Variants in CRADD observed in about 807,000 individuals in gnomAD.
CRADD encodes death domain-containing protein CRADD.
A neutral mutation model predicts 15.5 loss-of-function variants in CRADD; 9 were observed. The ratio of observed to expected loss-of-function variants is 0.58; its 90% CI spans 0.35 to 1.01. The LOEUF (loss-of-function observed/expected upper bound fraction) is 1.01. CRADD is among the 50% of genes least tolerant of loss of function. The probability of loss-of-function intolerance (pLI) is 0.02; values close to 1 mark genes in which losing one functional copy is unlikely to be tolerated. For synonymous variants in CRADD, 118 were observed against 107.6 expected, an observed-to-expected ratio of 1.10 and a Z score of -0.60; for missense variants, 227 against 250.3, an observed-to-expected ratio of 0.91 and a Z score of 0.63.
chr12:93,810,761 G>C (rs1347006036), intron 2 of CRADD, among the ~76,000 whole-genome samples: 1 of 152,040 alleles, frequency 6.6e-6, no homozygotes, highest in Admixed American at 6.6e-5. Context: ...CCAACAGTAG[G>C]TTCAACCTGG....
chr12:93,828,583 T>C (rs1281307708), intron 2 of CRADD, among the ~76,000 whole-genome samples: 1 of 152,250 alleles, frequency 6.6e-6, no homozygotes, highest in Non-Finnish European at 1.5e-5. Flanking sequence ...TAGCATCACT[T>C]GTTGAAGAAA....
chr12:93,772,226 C>T (rs1276565271), intron 2 of CRADD, among the ~76,000 whole-genome samples: 1 of 152,176 alleles, frequency 6.6e-6, no homozygotes, highest in Non-Finnish European at 1.5e-5. Context: ...TTCTGTCTCC[C>T]ATATTGACAG....
chr12:93,707,631 TCTC>T (rs1284624548), intron 2 of CRADD, among the ~76,000 whole-genome samples: 7 of 152,226 alleles, frequency 4.6e-5, no homozygotes, highest in Admixed American at 4.6e-4. Context: ...GAACACCAGT[TCTC>T]CTGCTTATTG....
chr12:93,763,103 G>A (rs1592969288), intron 2 of CRADD, among the ~76,000 whole-genome samples: 1 of 152,228 alleles, frequency 6.6e-6, no homozygotes, highest in Non-Finnish European at 1.5e-5. Flanking sequence ...TCTGTAAGGT[G>A]AGCCTTTCCC....
intron 2 of CRADD, among the ~76,000 whole-genome samples, chr12:93,811,050 G>GC (rs34751959): frequency 6.6e-6 from 1 of 151,940 alleles, no homozygotes; most frequent in South Asian, 2.1e-4. Flanking sequence ...TTTTCCCTTA[G>GC]CCCCCCCTCC....
At chr12:93,797,670 A>G (rs1957434204) in intron 2 of CRADD, among the ~76,000 whole-genome samples, 1 of 151,998 alleles carries the variant, frequency 6.6e-6, no homozygotes, top group Non-Finnish European at 1.5e-5. Context: ...AGGTAACTCA[A>G]CTGCTGGTAC....
intron 2 of CRADD, chr12:93,738,261 C>A (rs370337647): frequency 1.5e-6 from 1 of 653,630 alleles, no homozygotes; most frequent in Non-Finnish European, 2.8e-6. Context: ...AAGAGAAGGG[C>A]CAAAAGTGTC....
chr12:93,746,722 T>C (rs957026696), intron 2 of CRADD, among the ~76,000 whole-genome samples: 1 of 152,188 alleles, frequency 6.6e-6, no homozygotes, highest in African/African-American at 2.4e-5. Context: ...TAAATCTGAA[T>C]AAATACAGTT....
At chr12:93,761,392 G>A (rs1021356600) in intron 2 of CRADD, among the ~76,000 whole-genome samples, 3 of 152,126 alleles carry the variant, frequency 2.0e-5, no homozygotes, top group Admixed American at 6.5e-5. Context: ...TGATGATGGT[G>A]GCTTAAACAA....
intron 2 of CRADD, among the ~76,000 whole-genome samples, chr12:93,775,264 G>T (rs998670590): frequency 2.6e-5 from 4 of 152,154 alleles, no homozygotes; most frequent in African/African-American, 7.2e-5. Context: ...GATCCAATGT[G>T]CCCAGCAATT....
chr12:93,822,573 T>C (rs985483179), intron 2 of CRADD, among the ~76,000 whole-genome samples: 2 of 152,054 alleles, frequency 1.3e-5, no homozygotes, highest in Non-Finnish European at 2.9e-5. Flanking sequence ...AAGCAGACTG[T>C]TTGGGAGGAG....
At chr12:93,684,397 C>G (rs1273151351) in intron 2 of CRADD, among the ~76,000 whole-genome samples, 1 of 152,174 alleles carries the variant, frequency 6.6e-6, no homozygotes, top group Non-Finnish European at 1.5e-5. Context: ...TAGGTTCATG[C>G]TCCTATGAGA....
chr12:93,760,071 G>A (rs750659540), intron 2 of CRADD, among the ~76,000 whole-genome samples: 7 of 152,154 alleles, frequency 4.6e-5, no homozygotes, highest in Non-Finnish European at 1.0e-4. Context: ...TTGTTAGCCT[G>A]GGTCCCAAGG....
chr12:93,846,959 C>T (rs1030208114), intron 2 of CRADD, among the ~76,000 whole-genome samples: 23 of 152,082 alleles, frequency 1.5e-4, no homozygotes, highest in African/African-American at 5.1e-4. Flanking sequence ...AAAAATTAGC[C>T]AGGCATGGTA....
chr12:93,776,431 G>C lies in CRADD; in HGVS notation c.299-73539G>C, dbSNP rs576163453. Among the ~76,000 whole-genome samples the C allele has an allele frequency of 2.6e-4, 40 of 152,226 alleles. No individual in the cohort carries two copies. The South Asian group carries it at 8.3e-3, about 32-fold the overall frequency. On this transcript the variant is annotated intron_variant, in intron 2 of 2. Coordinates refer to ENST00000332896, the MANE Select transcript of CRADD (RefSeq NM_003805.5). ...ATTTAAAATTTTGATAGATATTGGG[G>C]AATTGTCCTCCAGAAAGGCAGTACC...
intron 2 of CRADD, among the ~76,000 whole-genome samples, chr12:93,864,362 G>C (rs1958345410): frequency 6.6e-6 from 1 of 152,130 alleles, no homozygotes; most frequent in Admixed American, 6.6e-5. Context: ...GCTCCTGTTG[G>C]ATTTTGATGG....
chr12:93,754,907 A>G (rs1956870442), intron 2 of CRADD, among the ~76,000 whole-genome samples: 1 of 152,056 alleles, frequency 6.6e-6, no homozygotes, highest in Non-Finnish European at 1.5e-5. Flanking sequence ...GTACCAGTTT[A>G]CTGTATCAGT....
chr12:93,847,003 T>C (rs1958130246), intron 2 of CRADD, among the ~76,000 whole-genome samples: 1 of 152,112 alleles, frequency 6.6e-6, no homozygotes. Flanking sequence ...CTCCGGAGAC[T>C]GAGGCAGAAG....
At chr12:93,719,956 C>CT (rs532440733) in intron 2 of CRADD, among the ~76,000 whole-genome samples, 210 of 151,770 alleles carry the variant, frequency 1.4e-3, no homozygotes, top group Non-Finnish European at 1.8e-3. Flanking sequence ...AATTTTTATA[C>CT]TTTTTTTTGC....
Sources: gnomAD v4.1 joint callset for allele counts (sites outside exome capture counted in the v4.1 genomes callset) on GRCh38, gnomAD v4.1.1 for gene constraint, MANE v1.5 for transcripts, NCBI Gene and HGNC (gene_info 2026-07-23, HGNC 2026-07-21) for gene names.